ADGRL3: variants seen among roughly 807,000 people sequenced by gnomAD.
ADGRL3 encodes adhesion G protein-coupled receptor L3, also known as calcium-independent alpha-latrotoxin receptor 3.
Under a neutral mutation model 153.5 loss-of-function variants are expected in ADGRL3, and 62 were observed. The ratio of observed to expected loss-of-function variants is 0.40; its 90% CI spans 0.33 to 0.50. ADGRL3 has a LOEUF of 0.50. Ranked by LOEUF, ADGRL3 falls within the 20% of genes least tolerant of loss-of-function variation. The probability of loss-of-function intolerance (pLI) is 0.47; values close to 1 mark genes in which losing one functional copy is unlikely to be tolerated. For missense variants in ADGRL3, 1,641 were observed against 1,859.4 expected, an observed-to-expected ratio of 0.88 and a Z score of 2.16; for synonymous variants, 710 against 672.5, an observed-to-expected ratio of 1.06 and a Z score of -0.86.
At chr4:62,029,630 G>T (rs1429913071) in intron 22 of ADGRL3, among the ~76,000 whole-genome samples, 1 of 151,146 alleles carries the variant, frequency 6.6e-6, no homozygotes, top group Non-Finnish European at 1.5e-5. Context: ...TGTTCTTCTG[G>T]TGAAGAGTCC....
intron 2 of ADGRL3, among the ~76,000 whole-genome samples, chr4:61,485,001 G>A (rs958088436): frequency 6.6e-6 from 1 of 152,100 alleles, no homozygotes; most frequent in African/African-American, 2.4e-5. Flanking sequence ...ATTTAAATAA[G>A]CTCTTAATCA....
intron 2 of ADGRL3, among the ~76,000 whole-genome samples, chr4:61,438,830 C>T (rs2097489034): frequency 6.6e-6 from 1 of 151,598 alleles, no homozygotes; most frequent in South Asian, 2.1e-4. Context: ...GCCTCAGCTT[C>T]CCGAGTAGCT....
At chr4:61,976,617 G>A (rs1360491224) in intron 17 of ADGRL3, among the ~76,000 whole-genome samples, 4 of 152,098 alleles carry the variant, frequency 2.6e-5, no homozygotes, top group Non-Finnish European at 1.5e-5. Context: ...TTGAATAATG[G>A]GAGCGGTTCC....
chr4:61,534,946 G>A (rs1298479819), intron 4 of ADGRL3, among the ~76,000 whole-genome samples: 3 of 151,976 alleles, frequency 2.0e-5, no homozygotes, highest in African/African-American at 7.2e-5. Context: ...TTGTCTGATT[G>A]CTCAGGCTAG....
chr4:61,673,697 A>G (rs186193509), intron 5 of ADGRL3, among the ~76,000 whole-genome samples: 1 of 151,578 alleles, frequency 6.6e-6, no homozygotes, highest in African/African-American at 2.4e-5. Context: ...TTTTCAAAAT[A>G]TAGCTAGTTT....
At chr4:61,460,784 A>G (rs1182936693) in intron 2 of ADGRL3, among the ~76,000 whole-genome samples, 1 of 152,050 alleles carries the variant, frequency 6.6e-6, no homozygotes, top group East Asian at 1.9e-4. Context: ...AAACCATCAG[A>G]TCGGCCAGGC....
intron 1 of ADGRL3, among the ~76,000 whole-genome samples, chr4:61,284,814 A>T (rs999847339): frequency 4.0e-5 from 6 of 151,590 alleles, no homozygotes; most frequent in African/African-American, 1.5e-4. Flanking sequence ...AAAAATGGAA[A>T]ATAATTTATA....
intron 3 of ADGRL3, among the ~76,000 whole-genome samples, chr4:61,500,433 C>G (rs975406996): frequency 2.0e-5 from 3 of 152,062 alleles, no homozygotes; most frequent in Non-Finnish European, 2.9e-5. Context: ...GAAAAATGTA[C>G]CTTTGATCAA....
chr4:62,026,184 G>A (rs1258594278), intron 21 of ADGRL3, among the ~76,000 whole-genome samples: 2 of 152,098 alleles, frequency 1.3e-5, no homozygotes, highest in South Asian at 4.2e-4. Context: ...CTAAAATATT[G>A]TGCCTTAAAC....
At chr4:61,448,569 A>G (rs970591445) in intron 2 of ADGRL3, among the ~76,000 whole-genome samples, 1 of 152,164 alleles carries the variant, frequency 6.6e-6, no homozygotes, top group Non-Finnish European at 1.5e-5. Context: ...TGCTTGGAAC[A>G]CTACAGCATA....
chr4:61,728,685 A>C (rs928995507), intron 6 of ADGRL3, among the ~76,000 whole-genome samples: 1 of 152,080 alleles, frequency 6.6e-6, no homozygotes, highest in African/African-American at 2.4e-5. Context: ...TTGCTATCTA[A>C]GGCTATTTCA....
chr4:61,796,337 C>T (rs925321488), intron 8 of ADGRL3, among the ~76,000 whole-genome samples: 1 of 152,024 alleles, frequency 6.6e-6, no homozygotes, highest in African/African-American at 2.4e-5. Context: ...CAGCATTTTT[C>T]CACCCCAGCG....
chr4:61,543,831 T>G (rs1429126332), intron 4 of ADGRL3, among the ~76,000 whole-genome samples: 1 of 152,238 alleles, frequency 6.6e-6, no homozygotes, highest in Non-Finnish European at 1.5e-5. Flanking sequence ...TGTATTGCTA[T>G]AAAGTTTGTT....
chr4:61,579,907 G>A (rs1196982590), intron 4 of ADGRL3, among the ~76,000 whole-genome samples: 2 of 152,022 alleles, frequency 1.3e-5, no homozygotes, highest in Non-Finnish European at 2.9e-5. Context: ...TAGATGATGG[G>A]TTATTTCTTT....
At chr4:61,305,579 T>C (rs1290790579) in intron 1 of ADGRL3, among the ~76,000 whole-genome samples, 1 of 152,198 alleles carries the variant, frequency 6.6e-6, no homozygotes, top group Non-Finnish European at 1.5e-5. Context: ...TTGGGTTCAC[T>C]CTTCCTAGAA....
chr4:61,647,632 G>A (rs2150331190), intron 5 of ADGRL3, among the ~76,000 whole-genome samples: 1 of 152,128 alleles, frequency 6.6e-6, no homozygotes, highest in African/African-American at 2.4e-5. Context: ...CATAAGAGCT[G>A]ATATAAATTT....
intron 13 of ADGRL3, among the ~76,000 whole-genome samples, chr4:61,921,794 A>G (rs745687940): frequency 9.9e-5 from 15 of 152,222 alleles, no homozygotes; most frequent in Non-Finnish European, 2.1e-4. Flanking sequence ...TTGTCATACA[A>G]TCACAAAACA....
chr4:61,603,639 A>T (rs544908724), intron 5 of ADGRL3, among the ~76,000 whole-genome samples: 1 of 152,328 alleles, frequency 6.6e-6, no homozygotes, highest in Admixed American at 6.5e-5. Context: ...CTCAGCACTT[A>T]GAATATTTTC....
At chr4:61,450,054 T>C (rs1275529402) in intron 2 of ADGRL3, among the ~76,000 whole-genome samples, 2 of 152,212 alleles carry the variant, frequency 1.3e-5, no homozygotes, top group African/African-American at 2.4e-5. Context: ...CACGTTAGAA[T>C]AGTAAGGGCT....
Sources: allele counts gnomAD v4.1 joint callset (sites outside exome capture counted in the v4.1 genomes callset), GRCh38; gene constraint gnomAD v4.1.1; transcripts MANE v1.5; gene names NCBI Gene and HGNC (gene_info 2026-07-23, HGNC 2026-07-21).